The following RFX3 variants were observed in gnomAD, a reference collection of about 807,000 sequenced individuals.
RFX3 encodes the protein regulatory factor X3.
In RFX3, 14 loss-of-function variants were observed where a neutral mutation model predicts 98.6. The ratio of observed to expected loss-of-function variants is 0.14; its 90% CI spans 0.09 to 0.22. RFX3 has a LOEUF of 0.22. Among genes scored for constraint, RFX3 ranks in the 10% least tolerant of loss-of-function variants. The probability of loss-of-function intolerance (pLI) is 1.00; values close to 1 mark genes in which losing one functional copy is unlikely to be tolerated. For synonymous variants in RFX3, 383 were observed against 328.4 expected, an observed-to-expected ratio of 1.17 and a Z score of -1.80; for missense variants, 639 against 926.9, an observed-to-expected ratio of 0.69 and a Z score of 4.03.
chr9:3,315,966 T>C (rs1830534661), intron 4 of RFX3, among the ~76,000 whole-genome samples: 1 of 152,208 alleles, frequency 6.6e-6, no homozygotes, highest in African/African-American at 2.4e-5. Context: ...GCTGGTACCA[T>C]TCCTTCTGAA....
intron 15 of RFX3, among the ~76,000 whole-genome samples, chr9:3,244,218 C>A (rs1429748873): frequency 6.6e-6 from 1 of 151,934 alleles, no homozygotes; most frequent in Non-Finnish European, 1.5e-5. Context: ...ATTGGTTAGG[C>A]TGGTCTCAAA....
At chr9:3,339,986 T>C (rs1833679847) in intron 3 of RFX3, among the ~76,000 whole-genome samples, 2 of 152,180 alleles carry the variant, frequency 1.3e-5, no homozygotes, top group Admixed American at 6.5e-5. Context: ...GGCATCACAC[T>C]ACCTGACTTC....
At chr9:3,232,058 GC>G (rs1818539294) in intron 15 of RFX3, among the ~76,000 whole-genome samples, 1 of 151,430 alleles carries the variant, frequency 6.6e-6, no homozygotes, top group South Asian at 2.1e-4. Context: ...AAGCAAGCAA[GC>G]AAGCAAGCAA....
chr9:3,274,587 G>A (rs559400464), intron 9 of RFX3, among the ~76,000 whole-genome samples: 2 of 152,030 alleles, frequency 1.3e-5, no homozygotes, highest in East Asian at 1.9e-4. Flanking sequence ...AACACCAAAA[G>A]GAACCCTAAT....
intron 6 of RFX3, among the ~76,000 whole-genome samples, chr9:3,291,388 A>AC (rs1276316492): frequency 9.7e-6 from 1 of 102,576 alleles, no homozygotes; most frequent in African/African-American, 4.9e-5. Context: ...CAAAACAAAA[A>AC]CAAAAACAAA....
At chr9:3,510,595 T>C (rs2133827723) in intron 1 of RFX3, among the ~76,000 whole-genome samples, 1 of 152,044 alleles carries the variant, frequency 6.6e-6, no homozygotes, top group East Asian at 1.9e-4. Flanking sequence ...GAATGTAAAA[T>C]AATAAAAAGC....
chr9:3,346,232 A>G (rs1834428128), intron 3 of RFX3, among the ~76,000 whole-genome samples: 1 of 152,220 alleles, frequency 6.6e-6, no homozygotes, highest in Non-Finnish European at 1.5e-5. Flanking sequence ...TATGTGGAAT[A>G]TCTCATTCTG....
At chr9:3,408,673 T>G (rs1842191582) in intron 1 of RFX3, among the ~76,000 whole-genome samples, 1 of 151,526 alleles carries the variant, frequency 6.6e-6, no homozygotes, top group East Asian at 1.9e-4. Context: ...CAACAGGTCT[T>G]TGGTATCGAA....
intron 15 of RFX3, among the ~76,000 whole-genome samples, chr9:3,236,745 A>G (rs1819206558): frequency 6.6e-6 from 1 of 152,234 alleles, no homozygotes; most frequent in African/African-American, 2.4e-5. Flanking sequence ...TCAGCAACAG[A>G]TAGTCCACAT....
chr9:3,431,936 T>C (rs1372993579), intron 1 of RFX3, among the ~76,000 whole-genome samples: 1 of 152,030 alleles, frequency 6.6e-6, no homozygotes, highest in Non-Finnish European at 1.5e-5. Flanking sequence ...AGCACTAGGA[T>C]TTAAGGGAGG....
chr9:3,286,426 T>C (rs1826607184), intron 7 of RFX3, among the ~76,000 whole-genome samples: 1 of 151,820 alleles, frequency 6.6e-6, no homozygotes, highest in African/African-American at 2.4e-5. Flanking sequence ...AGATTGAGAA[T>C]CTGTAATAAA....
chr9:3,403,318 G>A (rs1421864430), intron 1 of RFX3, among the ~76,000 whole-genome samples: 2 of 152,024 alleles, frequency 1.3e-5, no homozygotes, highest in Admixed American at 1.3e-4. Flanking sequence ...AATGAGGAAT[G>A]TAAAAAAAGT....
At chr9:3,268,081 G>A (rs1049028954) in intron 11 of RFX3, among the ~76,000 whole-genome samples, 1 of 151,636 alleles carries the variant, frequency 6.6e-6, no homozygotes, top group African/African-American at 2.4e-5. Flanking sequence ...GATATTCTGG[G>A]CCACCTCTGG....
chr9:3,334,494 A>T (rs1832944455), intron 3 of RFX3, among the ~76,000 whole-genome samples: 1 of 152,346 alleles, frequency 6.6e-6, no homozygotes, highest in Non-Finnish European at 1.5e-5. Flanking sequence ...AAAATGCATC[A>T]CAGATATATG....
At chr9:3,459,224 G>C (rs532427112) in intron 1 of RFX3, among the ~76,000 whole-genome samples, 6 of 152,148 alleles carry the variant, frequency 3.9e-5, no homozygotes. Flanking sequence ...CAGGCAATGA[G>C]CCAACACTTT....
intron 1 of RFX3, among the ~76,000 whole-genome samples, chr9:3,432,363 T>C (rs1479960727): frequency 6.6e-6 from 1 of 152,126 alleles, no homozygotes; most frequent in Non-Finnish European, 1.5e-5. Context: ...GAAAGGACTG[T>C]CGATACTATG....
intron 2 of RFX3, among the ~76,000 whole-genome samples, chr9:3,389,520 G>C (rs1022470970): frequency 8.5e-5 from 13 of 152,150 alleles, no homozygotes; most frequent in Non-Finnish European, 1.8e-4. Context: ...GATGTTTTGT[G>C]AGATCATGAA....
At chr9:3,442,235 G>C (rs1475309062) in intron 1 of RFX3, among the ~76,000 whole-genome samples, 1 of 151,908 alleles carries the variant, frequency 6.6e-6, no homozygotes, top group Non-Finnish European at 1.5e-5. Flanking sequence ...CTTTACCATA[G>C]AGTAACCTGG....
intron 1 of RFX3, among the ~76,000 whole-genome samples, chr9:3,495,694 TTAAAA>T (rs1851060643): frequency 6.6e-6 from 1 of 152,092 alleles, no homozygotes; most frequent in Non-Finnish European, 1.5e-5. Flanking sequence ...CTTCCCACTC[TTAAAA>T]TATCAAGGCA....
Sources: gnomAD v4.1 joint callset for allele counts (sites outside exome capture counted in the v4.1 genomes callset) on GRCh38, gnomAD v4.1.1 for gene constraint, MANE v1.5 for transcripts, NCBI Gene and HGNC (gene_info 2026-07-23, HGNC 2026-07-21) for gene names.